Variants in RFXAP observed in about 807,000 individuals in gnomAD.
The protein encoded by RFXAP is regulatory factor X associated protein.
In RFXAP, 21 loss-of-function variants were observed where a neutral mutation model predicts 25.7. The observed-to-expected ratio is 0.82, with a 90% CI of 0.58 to 1.18. The LOEUF is 1.18. Among genes scored for constraint, RFXAP ranks in the 50% most tolerant of loss-of-function variants. RFXAP has a pLI of 0.00. For missense variants in RFXAP, 333 were observed against 363.0 expected (o/e 0.92, Z 0.67); for synonymous variants, 161 against 152.2 (o/e 1.06, Z -0.43).
At chr13:36,827,379 G>A (rs1377435398) in intron 2 of RFXAP, among the ~76,000 whole-genome samples, 2 of 152,088 alleles carry the variant, frequency 1.3e-5, no homozygotes, top group East Asian at 3.9e-4. Flanking sequence ...TGGCATATTA[G>A]AGAAGGTGTT....
At chr13:36,820,967 C>T (rs1468418880) in intron 1 of RFXAP, among the ~76,000 whole-genome samples, 1 of 152,080 alleles carries the variant, frequency 6.6e-6, no homozygotes, top group Non-Finnish European at 1.5e-5. Flanking sequence ...TAGTGGTATA[C>T]TTTGAGGCTG....
At position 36,819,654 on chromosome 13, in the gene RFXAP, G is replaced by C. The variant is rs183370317; in HGVS notation, c.297G>C (p.Pro99=). ...ACCTGTTAGACACTTCGGACCCTCC[G>C]GGGGGAGGCGAGAGCGCGGCTAGTT... ...EADLLDTSDP[P]GGGESAASLE... Residue 99 remains proline (P), a synonymous_variant, in exon 1 of 3, where the codon CCG becomes CCC. Coordinates refer to ENST00000255476, the MANE Select transcript of RFXAP (RefSeq NM_000538.4). The C allele has an allele frequency of 4.5e-5, 69 of 1,548,592 alleles. No individual in the cohort carries two copies. Among genetic ancestry groups the C allele is most frequent in the East Asian group, 4.2e-4 (17 of 40,882 alleles).
At chr13:36,825,636 T>A in intron 2 of RFXAP, 101 bp downstream of exon 2, 1 of 718,324 alleles carries the variant, frequency 1.4e-6, no homozygotes, top group Non-Finnish European at 2.3e-6. Flanking sequence ...GACATCACAC[T>A]ATACATCAAA....
At position 36,827,643 on chromosome 13, in the gene RFXAP, T is replaced by C; in HGVS notation, c.709T>C (p.Ser237Pro). The C allele has an allele frequency of 2.5e-6, 4 of 1,611,342 alleles. No homozygotes were observed. Among genetic ancestry groups the C allele is most frequent in the Non-Finnish European group, 3.4e-6 (4 of 1,177,740 alleles). The change falls in exon 3 of 3, where the codon TCG becomes CCG. Residue 237 changes from serine (S) to proline (P), a missense_variant and splice_region_variant. By Grantham distance (74) the Ser-to-Pro change is moderately conservative. Coordinates refer to ENST00000255476, the MANE Select transcript of RFXAP (RefSeq NM_000538.4). ...LEQVLNQKRL[S>P]LLRSPEVVQF... ...ATAATTTTTTTCTTTTCTTTCTAAGTCGTTACTAAGAAGTCCAGAAGTAGT... is the reference window on the plus strand; with the variant it reads ...ATAATTTTTTTCTTTTCTTTCTAAGCCGTTACTAAGAAGTCCAGAAGTAGT...
chr13:36,819,793 T>C lies in RFXAP; in HGVS notation c.436T>C (p.Cys146Arg), dbSNP rs1280387034. 6.3e-7 allele frequency: 1 copy of C among 1,583,936 alleles called. No individual in the cohort carries two copies. Among genetic ancestry groups the C allele is most frequent in the Admixed American group, 1.8e-5 (1 of 55,626 alleles). The change falls in exon 1 of 3, where the codon TGC becomes CGC. Residue 146 changes from cysteine to arginine, a missense_variant. Physicochemically the swap from Cys to Arg is radical, Grantham distance 180. Coordinates refer to ENST00000255476, the MANE Select transcript of RFXAP (RefSeq NM_000538.4). ...SMSKTCTYEG[C>R]SETTSQVAKQ... ...GAGCAAGACCTGCACCTACGAAGGC[T>C]GCAGCGAGACCACGAGCCAGGTGGC... is the stretch of plus-strand genomic sequence containing the variant.
At chr13:36,827,141 T>C (rs756978639) in intron 2 of RFXAP, among the ~76,000 whole-genome samples, 2 of 152,070 alleles carry the variant, frequency 1.3e-5, no homozygotes, top group Non-Finnish European at 2.9e-5. Context: ...TATGTACATA[T>C]ATATATATAC....
At chr13:36,821,672 AGT>A (rs2057963436) in intron 1 of RFXAP, among the ~76,000 whole-genome samples, 1 of 152,196 alleles carries the variant, frequency 6.6e-6, no homozygotes, top group Non-Finnish European at 1.5e-5. Flanking sequence ...AAAAACAAAA[AGT>A]ATAATATTCT....
chr13:36,825,392 CTG>C (rs1566320448), intron 1 of RFXAP, 34 bp from the exon 2 acceptor site: 2 of 1,393,440 alleles, frequency 1.4e-6, no homozygotes, highest in Non-Finnish European at 2.0e-6. Flanking sequence ...ATTACGTTAA[CTG>C]TTTATCTATT....
At chr13:36,819,978 C>T (rs770277971) in intron 1 of RFXAP, 21 bp downstream of exon 1, 1 of 1,612,322 alleles carries the variant, frequency 6.2e-7, no homozygotes. Flanking sequence ...TAGCTGAGGC[C>T]TGGGGATGGG....
In RFXAP at chr13:36,819,274, CTGAGTCT is replaced by C; in HGVS notation, c.-82_-76del. On this transcript the variant is annotated 5_prime_UTR_variant, in exon 1 of 3. Transcript: ENST00000255476. Reference sequence around the variant, plus strand: ...TAGGCGCCTTTTACCCCAGCGTGTCCTGAGTCTTTGGTTCGCGAAGTGCCGTTAGGCC... The same window carrying C: ...TAGGCGCCTTTTACCCCAGCGTGTCCTTGGTTCGCGAAGTGCCGTTAGGCC... The C allele has an allele frequency of 8.3e-7, 1 of 1,208,054 alleles. No individual in the cohort carries two copies. Among genetic ancestry groups the C allele is most frequent in the Non-Finnish European group, 1.0e-6 (1 of 967,768 alleles). 74.8% of individuals were successfully genotyped at this position (1,208,054 alleles called of 1,614,324 possible).
chr13:36,819,330 T>C lies in RFXAP; in HGVS notation c.-28T>C. On this transcript the variant is annotated 5_prime_UTR_variant, in exon 1 of 3. Coordinates refer to ENST00000255476, the MANE Select transcript of RFXAP (RefSeq NM_000538.4). The stretch of plus-strand genomic sequence containing the variant: ...CCAAGCAGGTGCTAAAAGCCCGGGG[T>C]CGTGGACCCCGGCCAGGTCTTAGCA... 8.0e-7 allele frequency: 1 copy of C among 1,250,420 alleles called. No homozygotes were observed. The highest frequency in any genetic ancestry group is 1.0e-6 in the Non-Finnish European group (1 of 994,348). The allele number at this position is 1,250,420 out of a possible 1,614,324, so 77.5% of individuals were successfully genotyped here. A position where few individuals can be genotyped will look rare whatever the true frequency, so the allele number is the denominator to read the frequency against.
chr13:36,825,371 A>C (rs1018840430), intron 1 of RFXAP, 57 bp from the exon 2 acceptor site: 249 of 1,242,514 alleles, frequency 2.0e-4, no homozygotes, highest in Non-Finnish European at 2.8e-4. Context: ...AAATACCTGT[A>C]ATCATGACTT....
chr13:36,827,624 T>G lies in RFXAP; in HGVS notation c.709-19T>G. The G allele has an allele frequency of 1.3e-6, 2 of 1,561,540 alleles. No individual in the cohort carries two copies. Among genetic ancestry groups the G allele is most frequent in the East Asian group, 4.5e-5 (2 of 44,430 alleles). The stretch of plus-strand genomic sequence containing the variant: ...ACATAGATTAATGCTATTAATAATT[T>G]TTTTCTTTTCTTTCTAAGTCGTTAC... On this transcript the variant is annotated intron_variant, in intron 2 of 2. Coordinates refer to ENST00000255476, the MANE Select transcript of RFXAP (RefSeq NM_000538.4).
intron 1 of RFXAP, among the ~76,000 whole-genome samples, chr13:36,820,448 G>T (rs968179590): frequency 6.6e-6 from 1 of 152,096 alleles, no homozygotes; most frequent in Non-Finnish European, 1.5e-5. Flanking sequence ...CCTCTTCCTA[G>T]TACCGTATTT....
intron 1 of RFXAP, among the ~76,000 whole-genome samples, chr13:36,820,170 C>G (rs1327193813): frequency 6.6e-6 from 1 of 152,154 alleles, no homozygotes; most frequent in East Asian, 1.9e-4. Context: ...ATGATAGGTG[C>G]AGAAATTTCA....
rs1003485256 is a variant in RFXAP at position 36,828,605 on chromosome 13, A to C, written c.*852A>C. ...ATCTCAGCCCACCAATGCCAAGACA[A>C]AATTATTTTTCTTATACTTATTTTT... On this transcript the variant is annotated 3_prime_UTR_variant, in exon 3 of 3. Coordinates refer to ENST00000255476, the MANE Select transcript of RFXAP (RefSeq NM_000538.4). 3.3e-5 allele frequency: 5 copies of C among 152,226 alleles called. No homozygotes were observed. The highest frequency in any genetic ancestry group is 5.9e-5 in the Non-Finnish European group (4 of 68,038). The allele number at this position is 152,226 out of a possible 1,614,324, so 9.4% of individuals were successfully genotyped here.
intron 1 of RFXAP, among the ~76,000 whole-genome samples, chr13:36,823,706 ACAAGT>A (rs1188457957): frequency 1.3e-5 from 2 of 152,206 alleles, no homozygotes; most frequent in Non-Finnish European, 2.9e-5. Flanking sequence ...TATTTCTTAC[ACAAGT>A]CAAGGTTAAA....
At position 36,819,333 on chromosome 13, in the gene RFXAP, T is replaced by A; in HGVS notation, c.-25T>A. Reference sequence around the variant, plus strand: ...AGCAGGTGCTAAAAGCCCGGGGTCGTGGACCCCGGCCAGGTCTTAGCAGCA... The same window carrying A: ...AGCAGGTGCTAAAAGCCCGGGGTCGAGGACCCCGGCCAGGTCTTAGCAGCA... On this transcript the variant is annotated 5_prime_UTR_variant, in exon 1 of 3. Coordinates refer to ENST00000255476, the MANE Select transcript of RFXAP (RefSeq NM_000538.4). 8.0e-7 allele frequency: 1 copy of A among 1,251,418 alleles called. No individual in the cohort carries two copies. 77.5% of individuals were successfully genotyped at this position (1,251,418 alleles called of 1,614,324 possible). A position where few individuals can be genotyped will look rare whatever the true frequency, so the allele number is the denominator to read the frequency against.
Position 36,819,750 on chromosome 13 carries a change from C to T in RFXAP, c.393C>T (p.Gly131=). ...EGSSGGARRR[G]SGGGSMSKTC... ...GCAGCGGGGGCGCCCGGAGGCGGGG[C>T]AGCGGTGGGGGCAGCATGAGCAAGA... Residue 131 remains glycine, a synonymous_variant, in exon 1 of 3, where the codon GGC becomes GGT. Transcript: ENST00000255476. The T allele has an allele frequency of 6.4e-7, 1 of 1,554,094 alleles. No homozygotes were observed. The highest frequency in any genetic ancestry group is 2.4e-5 in the East Asian group (1 of 41,172).
Sources: allele counts gnomAD v4.1 joint callset (sites outside exome capture counted in the v4.1 genomes callset), GRCh38; gene constraint gnomAD v4.1.1; transcripts MANE v1.5; gene names NCBI Gene and HGNC (gene_info 2026-07-23, HGNC 2026-07-21).